COL4A5: variants seen among roughly 807,000 people sequenced by gnomAD.
COL4A5 encodes the protein collagen alpha-5(IV) chain.
COL4A5 carries 26 observed loss-of-function variants against 130.2 expected under a neutral mutation model. That is an observed-to-expected ratio of 0.20 (90% CI 0.15 to 0.28). COL4A5 has a LOEUF of 0.28. Among genes scored for constraint, COL4A5 ranks in the 10% least tolerant of loss-of-function variants. COL4A5 has a pLI of 1.00. For missense variants in COL4A5, 1,131 were observed against 1,344.3 expected (o/e 0.84, Z 2.48); for synonymous variants, 496 against 439.6 (o/e 1.13, Z -1.60).
chrX:108,571,848 C>T lies in COL4A5; in HGVS notation c.465+11C>T, dbSNP rs955167336. ...ATCCCAGGTATGAAGGTAAGCATCTCATTCTGGGGAACAAATGTTTTGAAT... is the reference window on the plus strand; with the variant it reads ...ATCCCAGGTATGAAGGTAAGCATCTTATTCTGGGGAACAAATGTTTTGAAT... On this transcript the variant is annotated intron_variant, in intron 8 of 52. Transcript: ENST00000328300. 1.0e-5 allele frequency: 12 copies of T among 1,168,636 alleles called. No individual in the cohort carries two copies. Among genetic ancestry groups the T allele is most frequent in the Non-Finnish European group, 1.4e-5 (12 of 856,423 alleles).
chrX:108,561,464 G>T (rs73526264), intron 3 of COL4A5, among the ~76,000 whole-genome samples: 10,342 of 109,178 alleles, frequency 0.095, 1,151 homozygotes, highest in African/African-American at 0.31. Context: ...TGCATATTAA[G>T]ATATAGAATT....
chrX:108,581,525 T>C (rs938522611), intron 16 of COL4A5, among the ~76,000 whole-genome samples: 5 of 111,556 alleles, frequency 4.5e-5, no homozygotes, highest in Non-Finnish European at 9.4e-5. Flanking sequence ...AGTTCCCTCA[T>C]GCTCTTTTTT....
At chrX:108,543,715 C>T (rs1266860768) in intron 2 of COL4A5, among the ~76,000 whole-genome samples, 8 of 111,839 alleles carry the variant, frequency 7.2e-5, no homozygotes, top group African/African-American at 1.3e-4. Context: ...GCCATTTTCA[C>T]GATATTGATT....
Position 108,577,956 on chromosome X carries a change from C to T in COL4A5, c.614C>T (p.Pro205Leu). Residue 205 changes from proline (P) to leucine (L), a missense_variant, in exon 11 of 53, where the codon CCT becomes CTT. By Grantham distance (98) the Pro-to-Leu change is moderately conservative. Coordinates refer to ENST00000328300, the MANE Select transcript of COL4A5 (RefSeq NM_033380.3). Reference protein sequence around the residue: ...GPPGPPGLMGPPGPPGLPGPK... With the variant: ...GPPGPPGLMGLPGPPGLPGPK... ...TCTTTTGTCTTCTCTTCTTAGGGCC[C>T]TCCTGGTCCACCAGGACTTCCAGGA... 8.3e-7 allele frequency: 1 copy of T among 1,199,782 alleles called. No homozygotes were observed. Among genetic ancestry groups the T allele is most frequent in the Non-Finnish European group, 1.1e-6 (1 of 885,794 alleles).
At chrX:108,614,672 A>G (rs1483151628) in intron 29 of COL4A5, among the ~76,000 whole-genome samples, 1 of 112,125 alleles carries the variant, frequency 8.9e-6, no homozygotes, top group Non-Finnish European at 1.9e-5. Flanking sequence ...TGTGGTTTGT[A>G]ATCTTTTGTA....
chrX:108,640,905 A>T (rs1270399137), intron 36 of COL4A5, among the ~76,000 whole-genome samples: 1 of 111,836 alleles, frequency 8.9e-6, no homozygotes, highest in Non-Finnish European at 1.9e-5. Context: ...TTAAGTGAAA[A>T]AATGAACAAA....
At chrX:108,635,102 A>C (rs1374772047) in intron 36 of COL4A5, among the ~76,000 whole-genome samples, 2 of 111,391 alleles carry the variant, frequency 1.8e-5, no homozygotes, top group Admixed American at 1.9e-4. Context: ...TTAATAAAGT[A>C]TACTGAAAAC....
At chrX:108,570,433 A>G (rs1603279565) in intron 6 of COL4A5, among the ~76,000 whole-genome samples, 2 of 108,937 alleles carry the variant, frequency 1.8e-5, no homozygotes, top group East Asian at 2.8e-4. Context: ...ACAGTGTGCT[A>G]TATGATTAAA....
chrX:108,680,323 C>T (rs780593385), intron 44 of COL4A5, among the ~76,000 whole-genome samples: 21 of 111,672 alleles, frequency 1.9e-4, no homozygotes, highest in Non-Finnish European at 3.0e-4. Context: ...TACCCAACCA[C>T]GGCCAGTTGG....
chrX:108,627,601 C>G, intron 36 of COL4A5: 1 of 697,085 alleles, frequency 1.4e-6, no homozygotes, highest in Non-Finnish European at 1.7e-6. Context: ...ATTGTTGGAT[C>G]AAAGGATAAG....
intron 1 of COL4A5, among the ~76,000 whole-genome samples, chrX:108,476,350 C>T (rs917166653): frequency 3.6e-5 from 4 of 109,910 alleles, no homozygotes; most frequent in Non-Finnish European, 5.7e-5. Flanking sequence ...ACACACAATG[C>T]GTAATAATGA....
chrX:108,674,397 C>T (rs2068264467), intron 42 of COL4A5: 2 of 162,901 alleles, frequency 1.2e-5, no homozygotes, highest in Non-Finnish European at 2.3e-5. Context: ...TGAAATGGTA[C>T]TATCTAGCCA....
At chrX:108,660,908 C>T (rs149385401) in intron 37 of COL4A5, among the ~76,000 whole-genome samples, 340 of 111,981 alleles carry the variant, frequency 3.0e-3, no homozygotes, top group African/African-American at 0.011. Context: ...AATTTCCTAT[C>T]ACCACGTGAT....
chrX:108,537,593 T>C (rs897901811), intron 1 of COL4A5, among the ~76,000 whole-genome samples: 6 of 111,826 alleles, frequency 5.4e-5, no homozygotes, highest in Non-Finnish European at 1.1e-4. Context: ...TGTCAGGTTA[T>C]TGCTTTGCAT....
intron 36 of COL4A5, among the ~76,000 whole-genome samples, chrX:108,649,622 A>T (rs1260557497): frequency 9.0e-6 from 1 of 111,649 alleles, no homozygotes; most frequent in Non-Finnish European, 1.9e-5. Context: ...CAGCCAACGG[A>T]TCTTAGATAA....
At chrX:108,441,360 A>C (rs1048454782) in intron 1 of COL4A5, among the ~76,000 whole-genome samples, 3 of 112,301 alleles carry the variant, frequency 2.7e-5, no homozygotes, top group African/African-American at 9.7e-5. Context: ...AGCAGCTGCT[A>C]TGTTACAGCT....
At chrX:108,655,920 G>T (rs1251075791) in intron 37 of COL4A5, among the ~76,000 whole-genome samples, 1 of 112,431 alleles carries the variant, frequency 8.9e-6, no homozygotes, top group African/African-American at 3.2e-5. Flanking sequence ...AGTCAATTAT[G>T]TAGCCTGAAC....
intron 44 of COL4A5, among the ~76,000 whole-genome samples, chrX:108,679,928 G>A (rs2068392320): frequency 8.9e-6 from 1 of 112,306 alleles, no homozygotes; most frequent in African/African-American, 3.2e-5. Context: ...GAAAAAGGAA[G>A]AGCTTTATTT....
chrX:108,669,199 G>A (rs914748531), intron 41 of COL4A5, among the ~76,000 whole-genome samples: 1 of 111,533 alleles, frequency 9.0e-6, no homozygotes, highest in African/African-American at 3.3e-5. Context: ...GGAAATGCTC[G>A]TTTTCATCCT....
Sources: gnomAD v4.1 joint callset for allele counts (sites outside exome capture counted in the v4.1 genomes callset) on GRCh38, gnomAD v4.1.1 for gene constraint, MANE v1.5 for transcripts, NCBI Gene and HGNC (gene_info 2026-07-23, HGNC 2026-07-21) for gene names.